The following FOXN3 variants were observed in gnomAD, a reference collection of about 807,000 sequenced individuals.
The protein encoded by FOXN3 is forkhead box N3.
A neutral mutation model predicts 38.4 loss-of-function variants in FOXN3; 7 were observed. The observed-to-expected ratio is 0.18, with a 90% CI of 0.10 to 0.34. The LOEUF (loss-of-function observed/expected upper bound fraction) is 0.34. FOXN3 is among the 10% of genes least tolerant of loss of function. The pLI is 1.00. For synonymous variants in FOXN3, 230 were observed against 242.2 expected (o/e 0.95, Z 0.47); for missense variants, 456 against 613.4 (o/e 0.74, Z 2.71).
intron 3 of FOXN3, among the ~76,000 whole-genome samples, chr14:89,348,745 A>G (rs929839948): frequency 5.9e-5 from 9 of 151,670 alleles, no homozygotes; most frequent in African/African-American, 2.2e-4. Flanking sequence ...GATTTTCATT[A>G]CAAAAGCTCT....
chr14:89,273,550 T>A (rs952173007), intron 4 of FOXN3, among the ~76,000 whole-genome samples: 4 of 152,224 alleles, frequency 2.6e-5, no homozygotes, highest in African/African-American at 9.6e-5. Context: ...GGGGGGTAAC[T>A]GGAGATTGGG....
At chr14:89,334,722 T>C (rs1888390538) in intron 3 of FOXN3, among the ~76,000 whole-genome samples, 1 of 151,964 alleles carries the variant, frequency 6.6e-6, no homozygotes, top group South Asian at 2.1e-4. Context: ...AAAGAGTAGA[T>C]TTGTTTTGTT....
Position 89,157,017 on chromosome 14 carries a change from C to T in FOXN3, c.*5397G>A, listed in dbSNP as rs1336579092. Reference sequence around the variant, plus strand: ...TCTTTGAGAATCCAATATGGAATATCAATTATTTTGCAAAAGGTAGAGAAA... The same window carrying T: ...TCTTTGAGAATCCAATATGGAATATTAATTATTTTGCAAAAGGTAGAGAAA... On this transcript the variant is annotated 3_prime_UTR_variant, in exon 6 of 6. Transcript: ENST00000557258. 2.0e-5 allele frequency: 3 copies of T among 152,606 alleles called. No individual in the cohort carries two copies. Among genetic ancestry groups the T allele is most frequent in the African/African-American group, 7.2e-5 (3 of 41,436 alleles). The allele number at this position is 152,606 out of a possible 1,614,324, so 9.5% of individuals were successfully genotyped here.
chr14:89,366,830 T>A lies in FOXN3; in HGVS notation c.544-16022A>T, dbSNP rs563912872. Among the ~76,000 whole-genome samples the A allele has an allele frequency of 9.2e-5, 14 of 152,314 alleles. No individual in the cohort carries two copies. The South Asian group carries it at 2.1e-3, about 23-fold the overall frequency. ...AGGTAACGTGGGCCTGACACATGGA[T>A]GCCCTTGGTTGGATTACAACTGGCC... On this transcript the variant is annotated intron_variant, in intron 2 of 5. Transcript: ENST00000557258.
chr14:89,440,417 T>C (rs1892357526), intron 1 of FOXN3, among the ~76,000 whole-genome samples: 1 of 152,186 alleles, frequency 6.6e-6, no homozygotes, highest in South Asian at 2.1e-4. Flanking sequence ...CTTGCACGTA[T>C]AGGCCCAGAT....
intron 2 of FOXN3, among the ~76,000 whole-genome samples, chr14:89,402,658 C>T (rs933838348): frequency 2.6e-5 from 4 of 152,306 alleles, no homozygotes; most frequent in Non-Finnish European, 5.9e-5. Flanking sequence ...TCCCTCCTGT[C>T]CTTCCCTGCA....
At chr14:89,535,620 CTAGAA>C (rs1894668776) in intron 1 of FOXN3, among the ~76,000 whole-genome samples, 1 of 152,196 alleles carries the variant, frequency 6.6e-6, no homozygotes, top group Non-Finnish European at 1.5e-5. Flanking sequence ...GTGTGAACTT[CTAGAA>C]TATTTTCCAG....
intron 2 of FOXN3, among the ~76,000 whole-genome samples, chr14:89,408,702 G>A (rs1182098787): frequency 1.3e-5 from 2 of 151,576 alleles, no homozygotes; most frequent in African/African-American, 4.9e-5. Flanking sequence ...GCTACGTCAA[G>A]CCTAACCGTA....
At chr14:89,586,989 A>C (rs537922493) in intron 1 of FOXN3, among the ~76,000 whole-genome samples, 1 of 152,392 alleles carries the variant, frequency 6.6e-6, no homozygotes, top group Admixed American at 6.5e-5. Flanking sequence ...GCAGATGTAC[A>C]GACATTTATA....
intron 3 of FOXN3, among the ~76,000 whole-genome samples, chr14:89,330,321 C>G (rs1888211377): frequency 6.6e-6 from 1 of 152,240 alleles, no homozygotes; most frequent in Non-Finnish European, 1.5e-5. Flanking sequence ...AGAAATTGCC[C>G]TGCACTGGGA....
Position 89,316,301 on chromosome 14 carries a change from G to A in FOXN3, c.680+34371C>T, listed in dbSNP as rs1414304491. ...AGGTCCAAATATACAAGGGAGCCCA[G>A]CTAACACCACAAGGAATAGAGATGA... On this transcript the variant is annotated intron_variant, in intron 3 of 5. Coordinates refer to ENST00000557258, the MANE Select transcript of FOXN3 (RefSeq NM_005197.4). Among the ~76,000 whole-genome samples the A allele has an allele frequency of 2.0e-5, 3 of 152,006 alleles. No individual in the cohort carries two copies. In the East Asian group the frequency reaches 5.8e-4, roughly 29 times the overall value.
In FOXN3 at chr14:89,474,506, C is replaced by T. The variant is rs76950609; in HGVS notation, c.-14-62016G>A. 3.5e-3 allele frequency among the ~76,000 whole-genome samples: 529 copies of T among 152,286 alleles called. 2 individuals are homozygous for T. Among genetic ancestry groups the T allele is most frequent in the African/African-American group, 0.012 (509 of 41,560 alleles). Reference sequence around the variant, plus strand: ...AATGAAAGAACTGTACAAATAAAAGCATCATGCTCTTTTATGGAGTAATAA... The same window carrying T: ...AATGAAAGAACTGTACAAATAAAAGTATCATGCTCTTTTATGGAGTAATAA... On this transcript the variant is annotated intron_variant, in intron 1 of 6. Transcript: ENST00000345097.
chr14:89,565,742 AAG>A (rs1208383517), intron 1 of FOXN3, among the ~76,000 whole-genome samples: 2 of 152,210 alleles, frequency 1.3e-5, no homozygotes, highest in Non-Finnish European at 2.9e-5. Flanking sequence ...AGTGGAAAGA[AAG>A]AGTAATTAGT....
intron 1 of FOXN3, among the ~76,000 whole-genome samples, chr14:89,427,930 A>C (rs1265537982): frequency 6.6e-6 from 1 of 152,168 alleles, no homozygotes; most frequent in Non-Finnish European, 1.5e-5. Flanking sequence ...AGCCTCATCA[A>C]CATTTTCCTC....
At chr14:89,323,925 G>T (rs983778129) in intron 3 of FOXN3, among the ~76,000 whole-genome samples, 1 of 152,102 alleles carries the variant, frequency 6.6e-6, no homozygotes, top group Non-Finnish European at 1.5e-5. Flanking sequence ...TGTAACCTTG[G>T]ATGTGTTTTA....
Position 89,216,668 on chromosome 14 carries a change from C to A in FOXN3, c.746-35862G>T, listed in dbSNP as rs537037308. Among the ~76,000 whole-genome samples, 3 of 152,208 alleles carry A rather than the reference C, an allele frequency of 2.0e-5. No individual in the cohort carries two copies. The South Asian group carries it at 6.2e-4, about 31-fold the overall frequency. ...CCAATGGCTTGTGGCCCTTGCTGAA[C>A]CAAATGTCCCCCAGCCAGGTTCTCA... On this transcript the variant is annotated intron_variant, in intron 4 of 5. Coordinates refer to ENST00000557258, the MANE Select transcript of FOXN3 (RefSeq NM_005197.4).
chr14:89,268,663 AC>A (rs1886056306), intron 4 of FOXN3, among the ~76,000 whole-genome samples: 1 of 152,034 alleles, frequency 6.6e-6, no homozygotes, highest in Non-Finnish European at 1.5e-5. Context: ...AGGCCAGCAC[AC>A]CCTGTGGAGC....
chr14:89,473,908 T>C (rs911705274), intron 1 of FOXN3, among the ~76,000 whole-genome samples: 1 of 152,190 alleles, frequency 6.6e-6, no homozygotes, highest in African/African-American at 2.4e-5. Flanking sequence ...TAGGACAAAA[T>C]TTGTAGTATT....
intron 1 of FOXN3, among the ~76,000 whole-genome samples, chr14:89,441,922 CTTTT>C (rs35118856): frequency 3.0e-3 from 225 of 75,404 alleles, no homozygotes; most frequent in African/African-American, 9.8e-3. Context: ...AACCGGCTGA[CTTTT>C]TTTTTTTTTT....
Sources: allele counts gnomAD v4.1 joint callset (sites outside exome capture counted in the v4.1 genomes callset), GRCh38; gene constraint gnomAD v4.1.1; transcripts MANE v1.5; gene names NCBI Gene and HGNC (gene_info 2026-07-23, HGNC 2026-07-21).